ADGRB3: variants seen among roughly 807,000 people sequenced by gnomAD.
ADGRB3 encodes the protein brain-specific angiogenesis inhibitor 3.
ADGRB3 carries 37 observed loss-of-function variants against 193.4 expected under a neutral mutation model. That is an observed-to-expected ratio of 0.19 (90% CI 0.15 to 0.25). The LOEUF (loss-of-function observed/expected upper bound fraction) is 0.25. Among genes scored for constraint, ADGRB3 ranks in the 10% least tolerant of loss-of-function variants. ADGRB3 has a pLI of 1.00. For synonymous variants in ADGRB3, 690 were observed against 644.2 expected (o/e 1.07, Z -1.08); for missense variants, 1,637 against 1,852.9 (o/e 0.88, Z 2.14).
At chr6:69,294,632 T>C (rs1244709498) in intron 20 of ADGRB3, among the ~76,000 whole-genome samples, 2 of 152,154 alleles carry the variant, frequency 1.3e-5, no homozygotes, top group African/African-American at 2.4e-5. Flanking sequence ...AAATAAGACT[T>C]ACACATATGG....
chr6:69,193,042 T>C (rs890724285), intron 17 of ADGRB3, among the ~76,000 whole-genome samples: 3 of 152,040 alleles, frequency 2.0e-5, no homozygotes, highest in African/African-American at 2.4e-5. Context: ...AGTCCTAAAC[T>C]GTCAAGGTAA....
At chr6:69,196,557 T>C (rs73745981) in intron 17 of ADGRB3, among the ~76,000 whole-genome samples, 21,817 of 152,122 alleles carry the variant, frequency 0.14, 1,613 homozygotes, top group Middle Eastern at 0.17. Flanking sequence ...TATCCTTTTT[T>C]CTATAAGGAC....
chr6:69,058,765 T>C (rs1174089874), intron 15 of ADGRB3, among the ~76,000 whole-genome samples: 2 of 152,100 alleles, frequency 1.3e-5, no homozygotes, highest in African/African-American at 4.8e-5. Context: ...AGTGTTTTTC[T>C]TAGTATTGAG....
chr6:68,943,819 C>T lies in ADGRB3; in HGVS notation c.1031-11C>T. ...TGCTTTTGTTGTTGAAGCTTCTTTG[C>T]TTTATTACAGTACACGGAGTATGGG... is the stretch of plus-strand genomic sequence containing the variant. On this transcript the variant is annotated splice_polypyrimidine_tract_variant and intron_variant, in intron 5 of 31. Transcript: ENST00000370598. 1 of 1,586,464 alleles carries T rather than the reference C, an allele frequency of 6.3e-7. No homozygotes were observed.
chr6:69,338,282 G>A (rs1314174824), intron 24 of ADGRB3, among the ~76,000 whole-genome samples: 3 of 152,092 alleles, frequency 2.0e-5, no homozygotes, highest in Non-Finnish European at 4.4e-5. Flanking sequence ...TTTTATTAAA[G>A]CAGAAAACTA....
At position 69,382,929 on chromosome 6, in the gene ADGRB3, CA is replaced by C. The variant is rs1386024262; in HGVS notation, c.4375del (p.Ser1459ValfsTer30). ...GATTTCGGGATATACCAAATACAAG[CA>C]GTATGGTAAGTATGCTTTGCTTCAA... The part of the protein sequence containing the change: ...DRFRDIPNTS[S>X]MENPAPNKNP... On this transcript the variant is annotated frameshift_variant, in exon 31 of 32. Coordinates refer to ENST00000370598, the MANE Select transcript of ADGRB3 (RefSeq NM_001704.3). LOFTEE classifies it high-confidence loss of function. The C allele has an allele frequency of 6.3e-7, 1 of 1,596,456 alleles. No homozygotes were observed.
At position 68,958,705 on chromosome 6, in the gene ADGRB3, T is replaced by C. The variant is rs185553941; in HGVS notation, c.1525+1896T>C. 8.7e-3 allele frequency among the ~76,000 whole-genome samples: 1,324 copies of C among 152,202 alleles called. 33 individuals are homozygous for C. Among genetic ancestry groups the C allele is most frequent in the African/African-American group, 0.03 (1,263 of 41,522 alleles). On this transcript the variant is annotated intron_variant, in intron 8 of 31. Transcript: ENST00000370598. ...AAAAAAAAATTATATACACTACACATTTTTGTTATTATTAACATTTTCATT... is the reference window on the plus strand; with the variant it reads ...AAAAAAAAATTATATACACTACACACTTTTGTTATTATTAACATTTTCATT...
At chr6:69,146,065 C>G (rs1774483702) in intron 17 of ADGRB3, among the ~76,000 whole-genome samples, 1 of 152,168 alleles carries the variant, frequency 6.6e-6, no homozygotes. Flanking sequence ...ACCAGGGACC[C>G]TCCCTTTTCT....
chr6:69,102,177 CAA>C (rs777752874), intron 17 of ADGRB3, among the ~76,000 whole-genome samples: 9 of 91,096 alleles, frequency 9.9e-5, no homozygotes, highest in East Asian at 2.7e-4. Context: ...GACTCCGTCT[CAA>C]AAAAAAAAAA....
chr6:68,896,783 A>G (rs1311713583), intron 3 of ADGRB3, among the ~76,000 whole-genome samples: 1 of 152,172 alleles, frequency 6.6e-6, no homozygotes, highest in Non-Finnish European at 1.5e-5. Flanking sequence ...ATCAAAGATA[A>G]AAATACCTGT....
intron 18 of ADGRB3, 50 bp from the exon 19 acceptor site, chr6:69,234,982 T>C: frequency 6.9e-7 from 1 of 1,440,692 alleles, no homozygotes; most frequent in Non-Finnish European, 9.7e-7. Context: ...GAAGTTATTT[T>C]AATTTATTAA....
intron 3 of ADGRB3, among the ~76,000 whole-genome samples, chr6:68,700,908 C>A (rs1157587238): frequency 1.3e-5 from 2 of 151,794 alleles, no homozygotes; most frequent in African/African-American, 4.8e-5. Flanking sequence ...CAACATGGCA[C>A]ATGTATACAT....
At position 68,906,790 on chromosome 6, in the gene ADGRB3, G is replaced by A. The variant is rs185247273; in HGVS notation, c.758-23769G>A. On this transcript the variant is annotated intron_variant, in intron 3 of 31. Transcript: ENST00000370598. ...AATTTTGTATTCATGCAACTTTGCT[G>A]CAAATATTTTTCCTGGTTTGTTGTT... Among the ~76,000 whole-genome samples, 15 of 152,016 alleles carry A rather than the reference G, an allele frequency of 9.9e-5. No individual in the cohort carries two copies. In the East Asian group the frequency reaches 2.9e-3, roughly 29 times the overall value.
intron 17 of ADGRB3, chr6:69,232,497 C>T: frequency 6.5e-7 from 1 of 1,535,110 alleles, no homozygotes; most frequent in Non-Finnish European, 8.7e-7. Context: ...TGGGGTTATT[C>T]CTCTGAATGT....
chr6:69,028,857 T>A (rs1562127737), intron 13 of ADGRB3, among the ~76,000 whole-genome samples: 1 of 152,240 alleles, frequency 6.6e-6, no homozygotes, highest in Non-Finnish European at 1.5e-5. Flanking sequence ...TTTTCCCCTT[T>A]TATTCCTCAA....
At chr6:68,878,416 C>A (rs941350915) in intron 3 of ADGRB3, among the ~76,000 whole-genome samples, 2 of 150,006 alleles carry the variant, frequency 1.3e-5, no homozygotes, top group Admixed American at 1.3e-4. Flanking sequence ...TTACTGATGG[C>A]AAAATTGTAA....
intron 20 of ADGRB3, among the ~76,000 whole-genome samples, chr6:69,323,240 G>A (rs759171224): frequency 3.3e-5 from 5 of 151,960 alleles, no homozygotes; most frequent in Non-Finnish European, 4.4e-5. Context: ...TGAAACAAAC[G>A]TGGAGGAAAA....
chr6:68,772,016 C>T (rs1285650672), intron 3 of ADGRB3, among the ~76,000 whole-genome samples: 1 of 152,076 alleles, frequency 6.6e-6, no homozygotes, highest in Admixed American at 6.6e-5. Flanking sequence ...AAGAGGACTA[C>T]TTTGAGGAGA....
intron 29 of ADGRB3, 117 bp downstream of exon 29, chr6:69,361,629 CACATT>C: frequency 8.1e-7 from 1 of 1,238,100 alleles, no homozygotes; most frequent in Non-Finnish European, 1.1e-6. Context: ...AGAGAAGATT[CACATT>C]AGCTTTTGCA....
Sources: gnomAD v4.1 joint callset for allele counts (sites outside exome capture counted in the v4.1 genomes callset) on GRCh38, gnomAD v4.1.1 for gene constraint, MANE v1.5 for transcripts, NCBI Gene and HGNC (gene_info 2026-07-23, HGNC 2026-07-21) for gene names.